Variants in NUP153 observed in about 807,000 individuals in gnomAD.
NUP153 encodes the protein nuclear pore complex protein Nup153.
A neutral mutation model predicts 134.6 loss-of-function variants in NUP153; 27 were observed. That is an observed-to-expected ratio of 0.20 (90% CI 0.15 to 0.28). The LOEUF is 0.28. Ranked by LOEUF, NUP153 falls within the 10% of genes least tolerant of loss-of-function variation. NUP153 has a pLI of 1.00. For missense variants in NUP153, 1,821 were observed against 1,731.3 expected (o/e 1.05, Z -0.92); for synonymous variants, 640 against 623.5 (o/e 1.03, Z -0.40).
chr6:17,697,468 C>T (rs538475048), intron 1 of NUP153, among the ~76,000 whole-genome samples: 9 of 152,284 alleles, frequency 5.9e-5, no homozygotes, highest in African/African-American at 2.2e-4. Flanking sequence ...GACAGGTCAC[C>T]TGAGGTCAGG....
chr6:17,688,195 C>A (rs537208475), intron 2 of NUP153, among the ~76,000 whole-genome samples: 3 of 152,222 alleles, frequency 2.0e-5, no homozygotes, highest in African/African-American at 7.2e-5. Flanking sequence ...AGCTTGCAGT[C>A]TTAACTGATA....
Position 17,661,628 on chromosome 6 carries a change from A to G in NUP153, c.1395+25T>C, listed in dbSNP as rs369452802. The G allele has an allele frequency of 2.5e-6, 4 of 1,598,000 alleles. No individual in the cohort carries two copies. The East Asian group carries it at 6.8e-5, about 27-fold the overall frequency. Reference sequence around the variant, plus strand: ...ACCAATGCTTTTTAAATAAACCTCAAGAGTATATGAGTATACAACCCTACC... The same window carrying G: ...ACCAATGCTTTTTAAATAAACCTCAGGAGTATATGAGTATACAACCCTACC... On this transcript the variant is annotated intron_variant, in intron 11 of 21. Coordinates refer to ENST00000262077, the MANE Select transcript of NUP153 (RefSeq NM_005124.4).
At chr6:17,616,290 G>GGGGGGGGGGGCCCCC in intron 21 of NUP153, 109 bp from the exon 22 acceptor site, 2 of 473,864 alleles carry the variant, frequency 4.2e-6, no homozygotes, top group Non-Finnish European at 7.8e-6. Flanking sequence ...GGTGGGGGGG[G>GGGGGGGGGGGCCCCC]AGTAGACTCA....
rs1554148685 is a variant in NUP153 at position 17,701,834 on chromosome 6, G to GGGT, written c.111+4442_111+4443insACC. ...GGCAACAGAGCAAGACTCTGTCTCG[G>GGGT]GGGGGGGGGGAAAAAAGCTAAATGC... On this transcript the variant is annotated intron_variant, in intron 1 of 21. Coordinates refer to ENST00000262077, the MANE Select transcript of NUP153 (RefSeq NM_005124.4). 1.9e-5 allele frequency among the ~76,000 whole-genome samples: 2 copies of GGGT among 103,736 alleles called. 1 individual carries two copies. The highest frequency in any genetic ancestry group is 4.2e-5 in the Non-Finnish European group (2 of 48,026). 68.1% of individuals were successfully genotyped at this position (103,736 alleles called of 152,430 possible).
In NUP153 at chr6:17,629,041, A is replaced by G. The variant is rs146551209; in HGVS notation, c.3158T>C (p.Ile1053Thr). ...ENKSSFNLGT[I>T]ETKSASVAPF... is the part of the protein sequence containing the mutation. ...AGCCACTGAAGCACTCTTGGTTTCTATGGTTCCAAGGTTGAAGCTGCTCTT... is the reference window on the plus strand; with the variant it reads ...AGCCACTGAAGCACTCTTGGTTTCTGTGGTTCCAAGGTTGAAGCTGCTCTT... Residue 1053 changes from isoleucine (I) to threonine (T), a missense_variant, in exon 18 of 22, where the codon ATA becomes ACA. By Grantham distance (89) the Ile-to-Thr change is moderately conservative (BLOSUM62 -1). Coordinates refer to ENST00000262077, the MANE Select transcript of NUP153 (RefSeq NM_005124.4). The G allele has an allele frequency of 1.9e-5, 30 of 1,614,172 alleles. No homozygotes were observed. In the East Asian group the frequency reaches 6.0e-4, roughly 32 times the overall value.
At chr6:17,630,262 T>C (rs1249626346) in intron 17 of NUP153, among the ~76,000 whole-genome samples, 2 of 152,202 alleles carry the variant, frequency 1.3e-5, no homozygotes, top group Non-Finnish European at 2.9e-5. Flanking sequence ...TCACAATTTC[T>C]TGATTTTTAA....
chr6:17,632,552 T>A, intron 17 of NUP153, 98 bp downstream of exon 17: 4 of 789,014 alleles, frequency 5.1e-6, no homozygotes, highest in Non-Finnish European at 7.9e-6. Context: ...CAAGAGAGAA[T>A]GAGTGAACAC....
At chr6:17,640,605 C>T (rs530141078) in intron 14 of NUP153, among the ~76,000 whole-genome samples, 15 of 152,244 alleles carry the variant, frequency 9.9e-5, no homozygotes, top group Admixed American at 8.5e-4. Flanking sequence ...AATACTTATG[C>T]AGCCACAGAA....
chr6:17,665,213 A>T, intron 9 of NUP153, 26 bp downstream of exon 9: 1 of 1,544,714 alleles, frequency 6.5e-7, no homozygotes, highest in East Asian at 2.2e-5. Context: ...ATATTCAAAG[A>T]CTGGTAGAAA....
chr6:17,692,038 G>T (rs182188376), intron 1 of NUP153, among the ~76,000 whole-genome samples: 1 of 152,158 alleles, frequency 6.6e-6, no homozygotes, highest in Non-Finnish European at 1.5e-5. Context: ...GCTACTAAAC[G>T]TATCAGAGAT....
chr6:17,660,737 TGA>T (rs1254740154), intron 11 of NUP153, among the ~76,000 whole-genome samples: 2 of 152,056 alleles, frequency 1.3e-5, no homozygotes, highest in African/African-American at 4.8e-5. Flanking sequence ...AAAACTATCT[TGA>T]AGAGAAAACA....
chr6:17,678,582 G>C (rs559248170), intron 2 of NUP153, among the ~76,000 whole-genome samples: 2 of 152,252 alleles, frequency 1.3e-5, no homozygotes, highest in Non-Finnish European at 2.9e-5. Context: ...TCCTCAGTAA[G>C]TATTTTGTGA....
chr6:17,689,239 T>C (rs557787638), intron 1 of NUP153, among the ~76,000 whole-genome samples: 4 of 151,768 alleles, frequency 2.6e-5, no homozygotes, highest in African/African-American at 9.7e-5. Flanking sequence ...TACAAAAAAT[T>C]AGCAGGGCAT....
intron 20 of NUP153, among the ~76,000 whole-genome samples, chr6:17,623,563 A>G (rs1764764593): frequency 6.6e-6 from 1 of 152,194 alleles, no homozygotes; most frequent in South Asian, 2.1e-4. Flanking sequence ...AAAAACATAC[A>G]TATGTGCACC....
intron 5 of NUP153, among the ~76,000 whole-genome samples, chr6:17,671,334 T>C (rs1183421616): frequency 1.3e-5 from 2 of 152,202 alleles, no homozygotes; most frequent in African/African-American, 4.8e-5. Flanking sequence ...TACTGGGAAG[T>C]GTTCCCTACT....
intron 20 of NUP153, among the ~76,000 whole-genome samples, chr6:17,623,900 C>T (rs1764779456): frequency 6.6e-6 from 1 of 152,122 alleles, no homozygotes; most frequent in African/African-American, 2.4e-5. Flanking sequence ...CGGTGGTCAT[C>T]ATTAGAGTGG....
intron 2 of NUP153, among the ~76,000 whole-genome samples, chr6:17,687,971 T>A (rs1769035577): frequency 1.3e-5 from 2 of 151,548 alleles, no homozygotes; most frequent in African/African-American, 4.9e-5. Flanking sequence ...AAAAAAAAAT[T>A]AGCTAGGTGT....
chr6:17,676,962 A>G (rs886408988), intron 2 of NUP153, among the ~76,000 whole-genome samples: 15 of 152,198 alleles, frequency 9.9e-5, no homozygotes, highest in African/African-American at 3.1e-4. Flanking sequence ...GATACTAGAC[A>G]GTGTACCGTG....
At position 17,669,511 on chromosome 6, in the gene NUP153, G is replaced by A. The variant is rs149307511; in HGVS notation, c.888C>T (p.Leu296=). 30 of 1,613,878 alleles carry A rather than the reference G, an allele frequency of 1.9e-5. No individual in the cohort carries two copies. Among genetic ancestry groups the A allele is most frequent in the Non-Finnish European group, 2.5e-5 (30 of 1,179,818 alleles). The part of the protein sequence containing the change: ...PVRRQMKAKQ[L]SAQSYGVTSS... The stretch of plus-strand genomic sequence containing the variant: ...TGGTCACACCGTAAGATTGTGCACT[G>A]AGTTGCTTAGCTTTCATTTGTCTTC... The change falls in exon 6 of 22, where the codon CTC becomes CTT. Residue 296 remains leucine, a synonymous_variant. Transcript: ENST00000262077.
Sources: gnomAD v4.1 joint callset for allele counts (sites outside exome capture counted in the v4.1 genomes callset) on GRCh38, gnomAD v4.1.1 for gene constraint, MANE v1.5 for transcripts, NCBI Gene and HGNC (gene_info 2026-07-23, HGNC 2026-07-21) for gene names.